DOCK5: variants seen among roughly 807,000 people sequenced by gnomAD.
The protein encoded by DOCK5 is dedicator of cytokinesis 5, also known as dedicator of cytokinesis protein 5.
In DOCK5, 142 loss-of-function variants were observed where a neutral mutation model predicts 251.8. That is an observed-to-expected ratio of 0.56 (90% CI 0.49 to 0.65). The LOEUF is 0.65. Among genes scored for constraint, DOCK5 ranks in the 30% least tolerant of loss-of-function variants. The pLI, the probability that DOCK5 is intolerant of heterozygous loss-of-function variation, is 0.00. For missense variants in DOCK5, 2,111 were observed against 2,312.3 expected (o/e 0.91, Z 1.79); for synonymous variants, 842 against 835.5 (o/e 1.01, Z -0.13).
At chr8:25,277,034 C>T (rs1046050474) in intron 4 of DOCK5, 6 of 152,512 alleles carry the variant, frequency 3.9e-5, no homozygotes, top group Admixed American at 1.3e-4. Context: ...GAGCCGATGA[C>T]TCTTGTCCTT....
intron 5 of DOCK5, among the ~76,000 whole-genome samples, chr8:25,282,098 A>G (rs969882394): frequency 1.3e-5 from 2 of 152,180 alleles, no homozygotes; most frequent in Non-Finnish European, 2.9e-5. Flanking sequence ...ATACATGCTC[A>G]TCCAGTAAGG....
intron 42 of DOCK5, among the ~76,000 whole-genome samples, chr8:25,390,631 C>T (rs750961540): frequency 2.0e-5 from 3 of 152,116 alleles, no homozygotes; most frequent in Non-Finnish European, 4.4e-5. Context: ...AATTTCACAC[C>T]TAGCTTACAG....
In DOCK5 at chr8:25,184,848, G is replaced by T; in HGVS notation, c.-61G>T. 1 of 1,273,350 alleles carries T rather than the reference G, an allele frequency of 7.9e-7. No homozygotes were observed. Among genetic ancestry groups the T allele is most frequent in the South Asian group, 2.7e-5 (1 of 36,612 alleles). The allele number at this position is 1,273,350 out of a possible 1,614,324, so 78.9% of individuals were successfully genotyped here. On this transcript the variant is annotated 5_prime_UTR_variant, in exon 1 of 52. Coordinates refer to ENST00000276440, the MANE Select transcript of DOCK5 (RefSeq NM_024940.8). ...CACGCAGGAGCGCGGGGCGGCGGCG[G>T]CCGGAGCCCGAGGAGCTGTAGCAGC...
At chr8:25,195,206 T>A (rs189246620) in intron 1 of DOCK5, among the ~76,000 whole-genome samples, 30 of 150,582 alleles carry the variant, frequency 2.0e-4, no homozygotes, top group Admixed American at 1.1e-3. Flanking sequence ...CAGGAATGAG[T>A]CACCACGCCC....
At position 25,412,078 on chromosome 8, in the gene DOCK5, C is replaced by CTTTTTTTTT. The variant is rs56131241; in HGVS notation, c.*795_*803dup. On this transcript the variant is annotated 3_prime_UTR_variant, in exon 52 of 52. Transcript: ENST00000276440. Reference sequence around the variant, plus strand: ...GAAGCTCTTCCTTTTGCACATACGGCTTTTTTTTTTTTTTTTTTTTTTTGT... The same window carrying CTTTTTTTTT: ...GAAGCTCTTCCTTTTGCACATACGGCTTTTTTTTTTTTTTTTTTTTTTTTTTTTTTTTGT... 1.6e-4 allele frequency: 13 copies of CTTTTTTTTT among 82,880 alleles called. No individual in the cohort carries two copies. The highest frequency in any genetic ancestry group is 1.4e-3 in the East Asian group (3 of 2,152). The allele number at this position is 82,880 out of a possible 1,614,324, so 5.1% of individuals were successfully genotyped here.
chr8:25,392,080 G>T, intron 43 of DOCK5, 100 bp downstream of exon 43: 2 of 1,106,594 alleles, frequency 1.8e-6, no homozygotes, highest in Non-Finnish European at 2.6e-6. Flanking sequence ...GATGCGGGCG[G>T]ATCACGAAGT....
chr8:25,380,452 T>G, intron 39 of DOCK5, 58 bp downstream of exon 39: 1 of 1,400,020 alleles, frequency 7.1e-7, no homozygotes, highest in East Asian at 2.5e-5. Context: ...TTAGCACTCA[T>G]GAAAATGTTT....
intron 35 of DOCK5, 82 bp downstream of exon 35, chr8:25,372,800 A>G: frequency 2.8e-6 from 4 of 1,410,210 alleles, no homozygotes; most frequent in Non-Finnish European, 3.8e-6. Context: ...GGTAGATCCC[A>G]CAAACACAGA....
chr8:25,210,800 G>T lies in DOCK5; in HGVS notation c.43+25849G>T, dbSNP rs1199749348. On this transcript the variant is annotated intron_variant, in intron 1 of 51. Transcript: ENST00000276440. Reference sequence around the variant, plus strand: ...AGGGACTGAGCCATGCAAATCTAAAGTAAGAACATTCTAGGCAGAAGATGT... The same window carrying T: ...AGGGACTGAGCCATGCAAATCTAAATTAAGAACATTCTAGGCAGAAGATGT... Among the ~76,000 whole-genome samples, 3 of 65,714 alleles carry T rather than the reference G, an allele frequency of 4.6e-5. 1 individual carries two copies. The highest frequency in any genetic ancestry group is 1.0e-4 in the African/African-American group (3 of 29,416). 43.1% of individuals were successfully genotyped at this position (65,714 alleles called of 152,430 possible).
At chr8:25,370,859 G>A (rs1800860766) in intron 34 of DOCK5, among the ~76,000 whole-genome samples, 1 of 152,150 alleles carries the variant, frequency 6.6e-6, no homozygotes, top group African/African-American at 2.4e-5. Flanking sequence ...GCCCAGGCTG[G>A]TCTGAAACTC....
intron 2 of DOCK5, among the ~76,000 whole-genome samples, chr8:25,248,505 G>T (rs954331900): frequency 3.9e-5 from 6 of 152,140 alleles, no homozygotes; most frequent in African/African-American, 1.4e-4. Context: ...AGCTGACTTT[G>T]GGGCGCTCCC....
intron 1 of DOCK5, among the ~76,000 whole-genome samples, chr8:25,198,050 CTT>C (rs1045112104): frequency 2.2e-4 from 34 of 152,262 alleles, no homozygotes; most frequent in African/African-American, 8.2e-4. Context: ...GTGCCGGTGT[CTT>C]TGTCTTTTAA....
At chr8:25,385,600 A>T (rs1428926682) in intron 40 of DOCK5, among the ~76,000 whole-genome samples, 2 of 151,992 alleles carry the variant, frequency 1.3e-5, no homozygotes, top group Non-Finnish European at 2.9e-5. Context: ...TATTTATTAA[A>T]CTCCTACCAT....
chr8:25,388,419 G>A (rs865831149), intron 40 of DOCK5, among the ~76,000 whole-genome samples: 2 of 152,138 alleles, frequency 1.3e-5, no homozygotes, highest in Admixed American at 6.5e-5. Context: ...TTACTCCCAT[G>A]CCTGGGGCCT....
intron 2 of DOCK5, among the ~76,000 whole-genome samples, chr8:25,254,772 T>TAA (rs1803367347): frequency 1.9e-4 from 2 of 10,468 alleles, no homozygotes; most frequent in Admixed American, 2.0e-3. Context: ...AGACTTTGTC[T>TAA]CAAAAAAAAA....
rs533562468 is a variant in DOCK5 at position 25,292,025 on chromosome 8, A to G, written c.323A>G (p.Asn108Ser). The change falls in exon 6 of 52, where the codon AAC becomes AGC. Residue 108 changes from asparagine (N) to serine (S), a missense_variant and splice_region_variant. Around this residue, in one of 3 missense-constraint regions of DOCK5, gnomAD observed 335 missense variants for 324.9 expected, o/e 1.03. Coordinates refer to ENST00000276440, the MANE Select transcript of DOCK5 (RefSeq NM_024940.8). Reference protein sequence around the residue: ...WAVIWRKLYVNNKLTLFRQLQ... With the variant: ...WAVIWRKLYVSNKLTLFRQLQ... ...CTTCATCATATTTTCTCATCTTAGA[A>G]CAACAAGCTCACCCTCTTCCGCCAG... 2 of 1,585,630 alleles carry G rather than the reference A, an allele frequency of 1.3e-6. No homozygotes were observed. Among genetic ancestry groups the G allele is most frequent in the Non-Finnish European group, 1.7e-6 (2 of 1,166,826 alleles).
intron 28 of DOCK5, among the ~76,000 whole-genome samples, chr8:25,362,812 T>TG (rs574741033): frequency 6.6e-6 from 1 of 152,172 alleles, no homozygotes; most frequent in Non-Finnish European, 1.5e-5. Context: ...TTGTAAAATG[T>TG]GGATGATTCT....
chr8:25,260,354 AC>A (rs200471079), intron 2 of DOCK5, among the ~76,000 whole-genome samples: 1 of 135,104 alleles, frequency 7.4e-6, no homozygotes, highest in African/African-American at 2.8e-5. Context: ...GGTGCCGCCC[AC>A]CCCCGCCCAG....
chr8:25,212,155 C>T lies in DOCK5; in HGVS notation c.43+27204C>T, dbSNP rs1802128854. On this transcript the variant is annotated intron_variant, in intron 1 of 51. Coordinates refer to ENST00000276440, the MANE Select transcript of DOCK5 (RefSeq NM_024940.8). ...CAGCCTGGGTGACAGAGCGAGACTC[C>T]GTCTCAAAAAAAAAAAAAAAAGACA... Among the ~76,000 whole-genome samples, 2 of 6,774 alleles carry T rather than the reference C, an allele frequency of 3.0e-4. 1 individual carries two copies. The highest frequency in any genetic ancestry group is 1.4e-3 in the Non-Finnish European group (2 of 1,384). 4.4% of individuals were successfully genotyped at this position (6,774 alleles called of 152,430 possible).
Sources: allele counts gnomAD v4.1 joint callset (sites outside exome capture counted in the v4.1 genomes callset), GRCh38; gene constraint gnomAD v4.1.1; regional missense constraint gnomAD v4.1.1; transcripts MANE v1.5; gene names NCBI Gene and HGNC (gene_info 2026-07-23, HGNC 2026-07-21).